GRAP: variants seen among roughly 807,000 people sequenced by gnomAD.
GRAP encodes the protein GRB2 related adaptor protein.
A neutral mutation model predicts 9.1 loss-of-function variants in GRAP; 2 were observed. That is an observed-to-expected ratio of 0.22 (90% CI 0.09 to 0.69). GRAP has a LOEUF of 0.69. Among genes scored for constraint, GRAP ranks in the 30% least tolerant of loss-of-function variants. The pLI is 0.81. For missense variants in GRAP, 113 were observed against 179.4 expected (o/e 0.63, Z 2.12); for synonymous variants, 68 against 73.6 (o/e 0.92, Z 0.39).
chr17:19,025,002 A>C (rs1484247691), intron 3 of GRAP, among the ~76,000 whole-genome samples: 4 of 151,876 alleles, frequency 2.6e-5, no homozygotes, highest in Admixed American at 6.6e-5. Context: ...AACACTTCAG[A>C]CTCAAGATCT....
chr17:19,024,287 G>C lies in GRAP; in HGVS notation c.396C>G (p.Val132=), dbSNP rs367896186. Reference sequence around the variant, plus strand: ...CGATGGTGGTGGTGCGGTAGAAGTCGACCAGCTCGTTGAGGGAGTTGAACT... The same window carrying C: ...CGATGGTGGTGGTGCGGTAGAAGTCCACCAGCTCGTTGAGGGAGTTGAACT... The part of the protein sequence containing the change: ...EEKFNSLNEL[V]DFYRTTTIAK... The change falls in exon 4 of 5, where the codon GTC becomes GTG. Residue 132 remains valine, a synonymous_variant. Coordinates refer to ENST00000284154, the MANE Select transcript of GRAP (RefSeq NM_006613.4). The surrounding 1 kb of genome is among the most constrained non-coding windows in gnomAD (Gnocchi z 4.2). The C allele has an allele frequency of 6.2e-7, 1 of 1,609,004 alleles. No homozygotes were observed. Among genetic ancestry groups the C allele is most frequent in the Non-Finnish European group, 8.5e-7 (1 of 1,177,698 alleles).
At chr17:19,030,090 G>A (rs2044328878) in intron 3 of GRAP, among the ~76,000 whole-genome samples, 1 of 67,112 alleles carries the variant, frequency 1.5e-5, no homozygotes, top group South Asian at 3.8e-4. Context: ...TTGTCTCTCT[G>A]TGTGACCCCT....
At chr17:19,027,519 C>G (rs1567820755) in intron 3 of GRAP, among the ~76,000 whole-genome samples, 1 of 148,204 alleles carries the variant, frequency 6.7e-6, no homozygotes, top group Non-Finnish European at 1.5e-5. Flanking sequence ...CACACACACA[C>G]ACACACCCCT....
At chr17:19,048,736 CAAA>C (rs564931893), upstream of GRAP, among the ~76,000 whole-genome samples, 1 of 43,320 alleles carries the variant, frequency 2.3e-5, no homozygotes. Flanking sequence ...GACTCCATCT[CAAA>C]AAAAAAAAAA....
In GRAP at chr17:19,024,007, C is replaced by T. The variant is rs1211141380; in HGVS notation, c.468+208G>A. ...TTCCTTCTGTCCTTTGCTTTTCTTT[C>T]CCTCTTCTCCTTTCCCACCCTTGCA... is the stretch of plus-strand genomic sequence containing the variant. On this transcript the variant is annotated intron_variant, in intron 4 of 4. Transcript: ENST00000284154. This position sits in a 1 kb window ranked among gnomAD's most constrained non-coding sequence, Gnocchi z 4.2. Among the ~76,000 whole-genome samples, 2 of 152,186 alleles carry T rather than the reference C, an allele frequency of 1.3e-5. No individual in the cohort carries two copies. The highest frequency in any genetic ancestry group is 4.8e-5 in the African/African-American group (2 of 41,434).
At chr17:19,027,482 G>GCACACACACACACACACACACA (rs1201282703) in intron 3 of GRAP, among the ~76,000 whole-genome samples, 12 of 115,980 alleles carry the variant, frequency 1.0e-4, no homozygotes, top group Admixed American at 2.7e-4. Flanking sequence ...GCGCGCGCGC[G>GCACACACACACACACACACACA]CGCACACACA....
Position 19,022,032 on chromosome 17 carries a change from T to C in GRAP, c.581A>G (p.His194Arg). The C allele has an allele frequency of 1.9e-6, 3 of 1,598,256 alleles. No homozygotes were observed. The highest frequency in any genetic ancestry group is 1.7e-6 in the Non-Finnish European group (2 of 1,173,076). Residue 194 changes from histidine (H) to arginine (R), a missense_variant, in exon 5 of 5, where the codon CAC becomes CGC. Coordinates refer to ENST00000284154, the MANE Select transcript of GRAP (RefSeq NM_006613.4). ...CCCGCAGGACCGGCCCCGCCACCAG[T>C]GGGGGTCTGGGCGCTCCAGGACCTC... ...IIEVLERPDPHWWRGRSCGRV... is the reference protein window; with the variant it reads ...IIEVLERPDPRWWRGRSCGRV...
chr17:19,021,857 A>G lies in GRAP; in HGVS notation c.*102T>C, dbSNP rs929322524. 7 of 1,267,116 alleles carry G rather than the reference A, an allele frequency of 5.5e-6. No homozygotes were observed. In the African/African-American group the frequency reaches 1.1e-4, roughly 20 times the overall value. The allele number at this position is 1,267,116 out of a possible 1,614,324, so 78.5% of individuals were successfully genotyped here. ...GCCCACGTTCAGTCCAAGGCCGTCCACTGAGCCCCGTGTGACTCTGACAGA... is the reference window on the plus strand; with the variant it reads ...GCCCACGTTCAGTCCAAGGCCGTCCGCTGAGCCCCGTGTGACTCTGACAGA... On this transcript the variant is annotated 3_prime_UTR_variant, in exon 5 of 5. Transcript: ENST00000284154. The surrounding 1 kb of genome is among the most constrained non-coding windows in gnomAD (Gnocchi z 4.1).
chr17:19,022,360 A>G (rs2044278343), intron 4 of GRAP: 1 of 409,960 alleles, frequency 2.4e-6, no homozygotes, highest in Non-Finnish European at 4.3e-6. Flanking sequence ...GCATCTACAT[A>G]GAACACGGCT....
chr17:19,022,479 A>C (rs1597924649), intron 4 of GRAP: 3 of 263,916 alleles, frequency 1.1e-5, no homozygotes, highest in Non-Finnish European at 7.1e-6. Context: ...GATCTTATTT[A>C]CCCGACTCTG....
In GRAP at chr17:19,024,092, A is replaced by G; in HGVS notation, c.468+123T>C. Reference sequence around the variant, plus strand: ...GAAGCCTGGGCTGGACGCCTCTTGCAATACCAGGCTGCTGGGGAAGTGAGA... The same window carrying G: ...GAAGCCTGGGCTGGACGCCTCTTGCGATACCAGGCTGCTGGGGAAGTGAGA... On this transcript the variant is annotated intron_variant, in intron 4 of 4. Coordinates refer to ENST00000284154, the MANE Select transcript of GRAP (RefSeq NM_006613.4). This position sits in a 1 kb window ranked among gnomAD's most constrained non-coding sequence, Gnocchi z 4.2. 1 of 971,706 alleles carries G rather than the reference A, an allele frequency of 1.0e-6. No homozygotes were observed. The highest frequency in any genetic ancestry group is 1.5e-6 in the Non-Finnish European group (1 of 648,628). 60.2% of individuals were successfully genotyped at this position (971,706 alleles called of 1,614,324 possible).
chr17:19,021,038 C>T lies in GRAP; in HGVS notation c.*921G>A, dbSNP rs2044257077. 1 of 152,884 alleles carries T rather than the reference C, an allele frequency of 6.5e-6. No individual in the cohort carries two copies. Among genetic ancestry groups the T allele is most frequent in the African/African-American group, 2.4e-5 (1 of 41,462 alleles). 9.5% of individuals were successfully genotyped at this position (152,884 alleles called of 1,614,324 possible). ...CCTGCTCATATCCCTGATCATGGCA[C>T]ATTCTCTGGAGGACCCTCCTGTTCT... On this transcript the variant is annotated 3_prime_UTR_variant, in exon 5 of 5. Transcript: ENST00000284154. This position sits in a 1 kb window ranked among gnomAD's most constrained non-coding sequence, Gnocchi z 4.1.
rs1198494579 is a variant in GRAP, at chr17:19,021,016, G to A, written c.*943C>T. ...GGTGCCCAGGCTCTGGGCAGGCCCT[G>A]CTCATATCCCTGATCATGGCACATT... On this transcript the variant is annotated 3_prime_UTR_variant, in exon 5 of 5. Transcript: ENST00000284154. This position sits in a 1 kb window ranked among gnomAD's most constrained non-coding sequence, Gnocchi z 4.1. The A allele has an allele frequency of 3.9e-5, 6 of 154,178 alleles. No individual in the cohort carries two copies. The highest frequency in any genetic ancestry group is 2.6e-4 in the Admixed American group (4 of 15,630). The allele number at this position is 154,178 out of a possible 1,614,324, so 9.6% of individuals were successfully genotyped here. A position where few individuals can be genotyped will look rare whatever the true frequency, so the allele number is the denominator to read the frequency against.
At position 19,021,246 on chromosome 17, in the gene GRAP, G is replaced by T. The variant is rs1397872864; in HGVS notation, c.*713C>A. ...ACAAACAAGAGCCAGGGCAGCCAGGGTCTCTGCGTGGCTGGGCCCAGGGCT... is the reference window on the plus strand; with the variant it reads ...ACAAACAAGAGCCAGGGCAGCCAGGTTCTCTGCGTGGCTGGGCCCAGGGCT... On this transcript the variant is annotated 3_prime_UTR_variant, in exon 5 of 5. Transcript: ENST00000284154. The surrounding 1 kb of genome is among the most constrained non-coding windows in gnomAD (Gnocchi z 4.1). 6.6e-6 allele frequency: 1 copy of T among 152,350 alleles called. No individual in the cohort carries two copies. The highest frequency in any genetic ancestry group is 1.5e-5 in the Non-Finnish European group (1 of 68,132). The allele number at this position is 152,350 out of a possible 1,614,324, so 9.4% of individuals were successfully genotyped here. A position where few individuals can be genotyped will look rare whatever the true frequency, so the allele number is the denominator to read the frequency against.
chr17:19,022,287 A>G, intron 4 of GRAP, 143 bp from the exon 5 acceptor site: 1 of 500,320 alleles, frequency 2.0e-6, no homozygotes, highest in Non-Finnish European at 3.6e-6. Context: ...GTCCAGATCA[A>G]TGGTAGTGCC....
chr17:19,027,385 C>T (rs2044315264), intron 3 of GRAP, among the ~76,000 whole-genome samples: 2 of 147,876 alleles, frequency 1.4e-5, no homozygotes, highest in African/African-American at 5.0e-5. Flanking sequence ...TCCTGAGCCA[C>T]AGGCTAGGGA....
rs1459750572 is a variant in GRAP, at chr17:19,021,818, G to A, written c.*141C>T. 9 of 827,744 alleles carry A rather than the reference G, an allele frequency of 1.1e-5. No individual in the cohort carries two copies. The highest frequency in any genetic ancestry group is 1.8e-5 in the African/African-American group (1 of 56,208). 51.3% of individuals were successfully genotyped at this position (827,744 alleles called of 1,614,324 possible). ...CCATCCCAGTTTGTGCAGAGCGGCC[G>A]GAGGCAGTTAGGAGCCCACGTTCAG... On this transcript the variant is annotated 3_prime_UTR_variant, in exon 5 of 5. Coordinates refer to ENST00000284154, the MANE Select transcript of GRAP (RefSeq NM_006613.4). This position sits in a 1 kb window ranked among gnomAD's most constrained non-coding sequence, Gnocchi z 4.1.
At chr17:19,027,482 GCGCACACACACACACACACA>G (rs1239739201) in intron 3 of GRAP, among the ~76,000 whole-genome samples, 1 of 115,986 alleles carries the variant, frequency 8.6e-6, no homozygotes, top group Non-Finnish European at 1.7e-5. Flanking sequence ...GCGCGCGCGC[GCGCACACACACACACACACA>G]CACACACACA....
intron 4 of GRAP, among the ~76,000 whole-genome samples, chr17:19,023,199 G>A (rs749838317): frequency 5.3e-5 from 8 of 152,176 alleles, no homozygotes; most frequent in Admixed American, 3.3e-4. Flanking sequence ...CAACAGAGGA[G>A]AAACTAGTGG....
Sources: gnomAD v4.1 joint callset for allele counts (sites outside exome capture counted in the v4.1 genomes callset) on GRCh38, gnomAD v4.1.1 for gene constraint, Gnocchi (gnomAD v3.1) non-coding constraint, MANE v1.5 for transcripts, NCBI Gene and HGNC (gene_info 2026-07-23, HGNC 2026-07-21) for gene names.